RRM2: variants seen among roughly 807,000 people sequenced by gnomAD.
The protein encoded by RRM2 is ribonucleotide reductase regulatory subunit M2.
A neutral mutation model predicts 45.9 loss-of-function variants in RRM2; 6 were observed. The ratio of observed to expected loss-of-function variants is 0.13; its 90% confidence interval spans 0.07 to 0.26. RRM2 has a LOEUF of 0.26. RRM2 is among the 10% of genes least tolerant of loss of function. The pLI is 1.00. For missense variants in RRM2, 343 were observed against 489.5 expected (o/e 0.70, Z 2.82); for synonymous variants, 177 against 173.0 (o/e 1.02, Z -0.18).
rs906003445 is a variant in RRM2 at position 10,205,895 on chromosome 2, G to A, written n.483-4416G>A. Reference sequence around the variant, plus strand: ...TTAGTGGAGACGAGGTTTTCACCACGTTGACCAGGCTGGTCTCGAACTCCT... The same window carrying A: ...TTAGTGGAGACGAGGTTTTCACCACATTGACCAGGCTGGTCTCGAACTCCT... On this transcript the variant is annotated intron_variant and non_coding_transcript_variant, in intron 3 of 3. Coordinates refer to the RRM2 transcript ENST00000381786. The surrounding 1 kb of genome is among the most constrained non-coding windows in gnomAD (Gnocchi z 4.8). Among the ~76,000 whole-genome samples, 35 of 151,950 alleles carry A rather than the reference G, an allele frequency of 2.3e-4. No individual in the cohort carries two copies. The highest frequency in any genetic ancestry group is 5.0e-4 in the Non-Finnish European group (34 of 67,988).
exon 3 of RRM2, chr2:10,142,344 C>G (rs966686839): frequency 2.5e-5 from 34 of 1,378,136 alleles, no homozygotes; most frequent in Non-Finnish European, 3.0e-5. Flanking sequence ...CGGGGTGCGC[C>G]AGTGGAAGCG....
intron 3 of RRM2, among the ~76,000 whole-genome samples, chr2:10,177,245 C>CAATAA (rs147084579): frequency 0.26 from 38,651 of 148,642 alleles, 6,038 homozygotes; most frequent in Non-Finnish European, 0.36. Context: ...GATTTCGCTT[C>CAATAA]AATAAAATAA....
intron 3 of RRM2, among the ~76,000 whole-genome samples, chr2:10,161,929 C>T (rs565279461): frequency 6.6e-6 from 1 of 152,352 alleles, no homozygotes; most frequent in East Asian, 1.9e-4. Flanking sequence ...GAAACCTTTT[C>T]CTGTTGTCCA....
intron 3 of RRM2, among the ~76,000 whole-genome samples, chr2:10,166,311 C>T (rs560534542): frequency 7.9e-5 from 12 of 152,300 alleles, no homozygotes; most frequent in African/African-American, 2.4e-4. Flanking sequence ...AGGGGCAGGC[C>T]GGGGGCCCAC....
intron 3 of RRM2, among the ~76,000 whole-genome samples, chr2:10,163,082 T>C (rs755938240): frequency 2.0e-4 from 30 of 152,246 alleles, no homozygotes; most frequent in Non-Finnish European, 2.9e-4. Context: ...ACAAAGGCAC[T>C]CTCAGAGAAC....
At chr2:10,128,276 TTTGA>T (rs1662825212) in intron 7 of RRM2, among the ~76,000 whole-genome samples, 1 of 152,250 alleles carries the variant, frequency 6.6e-6, no homozygotes, top group Non-Finnish European at 1.5e-5. Flanking sequence ...AGTGTATGTC[TTTGA>T]TTAAGTCACA....
chr2:10,165,864 C>T (rs1431182218), intron 3 of RRM2, among the ~76,000 whole-genome samples: 1 of 152,232 alleles, frequency 6.6e-6, no homozygotes, highest in Non-Finnish European at 1.5e-5. Flanking sequence ...TGTGCACATG[C>T]CCCGTGGTGA....
intron 3 of RRM2, among the ~76,000 whole-genome samples, chr2:10,190,973 C>G (rs1405511062): frequency 6.6e-6 from 1 of 152,168 alleles, no homozygotes; most frequent in Non-Finnish European, 1.5e-5. Context: ...CTGTGGCCAC[C>G]CACCTGTGAC....
chr2:10,140,195 C>T (rs1388804740), upstream of RRM2, among the ~76,000 whole-genome samples: 3 of 151,984 alleles, frequency 2.0e-5, no homozygotes, highest in East Asian at 1.9e-4. Context: ...TGCAGTGAGC[C>T]GAGATTGCAC....
exon 1 of RRM2, chr2:10,141,429 C>G (rs531409535): frequency 4.6e-6 from 1 of 216,900 alleles, no homozygotes; most frequent in African/African-American, 2.3e-5. Context: ...GATGTTGTCC[C>G]CATGTTAGTG....
At position 10,193,909 on chromosome 2, in the gene RRM2, G is replaced by A. The variant is rs139749307; in HGVS notation, n.483-16402G>A. Among the ~76,000 whole-genome samples the A allele has an allele frequency of 1.4e-4, 21 of 152,306 alleles. No individual in the cohort carries two copies. In the East Asian group the frequency reaches 4.0e-3, roughly 29 times the overall value. Reference sequence around the variant, plus strand: ...AGTTTGGATTAATTGGCACAGGGAGGTCCCTAGACATTTAGATTATGGCTG... The same window carrying A: ...AGTTTGGATTAATTGGCACAGGGAGATCCCTAGACATTTAGATTATGGCTG... On this transcript the variant is annotated intron_variant and non_coding_transcript_variant, in intron 3 of 3. Transcript: ENST00000381786.
chr2:10,127,379 T>G lies in RRM2; in HGVS notation c.798+159T>G, dbSNP rs549698469. 3.3e-5 allele frequency: 23 copies of G among 688,634 alleles called. No homozygotes were observed. Among genetic ancestry groups the G allele is most frequent in the Non-Finnish European group, 4.3e-5 (18 of 419,146 alleles). The allele number at this position is 688,634 out of a possible 1,614,324, so 42.7% of individuals were successfully genotyped here. A position where few individuals can be genotyped will look rare whatever the true frequency, so the allele number is the denominator to read the frequency against. ...TACTTGACAAAAGAAGGAAATACTT[T>G]CATTTACTGAAACTGTTTTACTTGC... On this transcript the variant is annotated intron_variant, in intron 7 of 9. Coordinates refer to ENST00000304567, the MANE Select transcript of RRM2 (RefSeq NM_001034.4). The surrounding 1 kb of genome is among the most constrained non-coding windows in gnomAD (Gnocchi z 4.1).
Position 10,200,615 on chromosome 2 carries a change from CCGCGCGCGCAAAATA to C in RRM2, n.483-9695_483-9681del, listed in dbSNP as rs1664542612. Among the ~76,000 whole-genome samples the C allele has an allele frequency of 6.2e-4, 45 of 72,058 alleles. 1 individual carries two copies. Among genetic ancestry groups the C allele is most frequent in the East Asian group, 3.1e-3 (9 of 2,888 alleles). 47.3% of individuals were successfully genotyped at this position (72,058 alleles called of 152,430 possible). A position where few individuals can be genotyped will look rare whatever the true frequency, so the allele number is the denominator to read the frequency against. On this transcript the variant is annotated intron_variant and non_coding_transcript_variant, in intron 3 of 3. Coordinates refer to the RRM2 transcript ENST00000381786. ...GCGCAAAATATGAGGCCCACAGGGA[CCGCGCGCGCAAAATA>C]TGAGGCCCACAGGCACCGCGCACAC...
chr2:10,123,689 C>CT, intron 3 of RRM2, 47 bp from the exon 4 acceptor site: 2 of 1,413,200 alleles, frequency 1.4e-6, no homozygotes, highest in East Asian at 2.3e-5. Flanking sequence ...GTCCTGTAGG[C>CT]TTTACTCTCT....
intron 3 of RRM2, among the ~76,000 whole-genome samples, chr2:10,158,639 A>G (rs16855895): frequency 0.15 from 22,450 of 152,060 alleles, 2,152 homozygotes; most frequent in East Asian, 0.48. Flanking sequence ...TTGGAATACA[A>G]TTGCAGTGTC....
At chr2:10,175,361 T>A (rs1663894179) in intron 3 of RRM2, among the ~76,000 whole-genome samples, 1 of 152,228 alleles carries the variant, frequency 6.6e-6, no homozygotes, top group Non-Finnish European at 1.5e-5. Flanking sequence ...TCCCCTATTT[T>A]AAAAATTGTG....
downstream of RRM2, among the ~76,000 whole-genome samples, chr2:10,135,739 CTT>C (rs1662978178): frequency 6.6e-6 from 1 of 152,072 alleles, no homozygotes; most frequent in Admixed American, 6.6e-5. Context: ...AGGAAAAAGA[CTT>C]TAAAGCAAAA....
Position 10,147,537 on chromosome 2 carries a change from T to C in RRM2, n.482+5162T>C, listed in dbSNP as rs145438522. ...CCTCAGCCTTCCAAAATGCTGGGAT[T>C]ACAGGCGTGAGCCACCACGCCCGGC... On this transcript the variant is annotated intron_variant and non_coding_transcript_variant, in intron 3 of 3. Coordinates refer to the RRM2 transcript ENST00000381786. 4.1e-3 allele frequency among the ~76,000 whole-genome samples: 628 copies of C among 152,308 alleles called. 4 individuals carry two copies. The highest frequency in any genetic ancestry group is 0.014 in the African/African-American group (593 of 41,578).
At chr2:10,157,861 C>T (rs1312982908) in intron 3 of RRM2, among the ~76,000 whole-genome samples, 4 of 152,130 alleles carry the variant, frequency 2.6e-5, no homozygotes, top group African/African-American at 9.7e-5. Flanking sequence ...GGGCAGGTGA[C>T]GTATTTTAGT....
Sources: allele counts gnomAD v4.1 joint callset (sites outside exome capture counted in the v4.1 genomes callset), GRCh38; gene constraint gnomAD v4.1.1; non-coding constraint Gnocchi (gnomAD v3.1); transcripts MANE v1.5; gene names NCBI Gene and HGNC (gene_info 2026-07-23, HGNC 2026-07-21).